The following SAMD5 variants were observed in gnomAD, a reference collection of about 807,000 sequenced individuals.
The protein encoded by SAMD5 is sterile alpha motif domain-containing protein 5.
Under a neutral mutation model 11.3 loss-of-function variants are expected in SAMD5, and 13 were observed. The observed-to-expected ratio is 1.15, with a 90% CI of 0.75 to 1.83. The LOEUF (loss-of-function observed/expected upper bound fraction) is 1.83. SAMD5 is among the 40% of genes most tolerant of loss of function. The pLI is 0.00. For synonymous variants in SAMD5, 129 were observed against 111.3 expected (o/e 1.16, Z -1.00); for missense variants, 255 against 239.1 (o/e 1.07, Z -0.44).
the SAMD5 span, among the ~76,000 whole-genome samples, chr6:147,759,326 C>T: frequency 1.3e-5 from 2 of 152,088 alleles, no homozygotes; most frequent in African/African-American, 2.4e-5. Context: ...CTTTCTCAGG[C>T]GTCTTTAAAT....
intron 1 of SAMD5, among the ~76,000 whole-genome samples, chr6:147,514,278 G>A (rs1788132148): frequency 6.6e-6 from 1 of 151,922 alleles, no homozygotes; most frequent in South Asian, 2.1e-4. Context: ...CCGGAGACTG[G>A]GACCTTTAGA....
the SAMD5 span, chr6:147,953,185 T>A: frequency 6.6e-6 from 1 of 152,206 alleles, no homozygotes; most frequent in Admixed American, 6.5e-5. Context: ...GTGTGGCATA[T>A]TTTGAAAAAT....
At chr6:147,519,866 G>A (rs1194767716) in intron 1 of SAMD5, among the ~76,000 whole-genome samples, 2 of 152,162 alleles carry the variant, frequency 1.3e-5, no homozygotes, top group Non-Finnish European at 2.9e-5. Flanking sequence ...AAGGTGAAGT[G>A]TTTAACACTG....
chr6:147,718,549 T>C (rs1791499870), intron 1 of SAMD5, among the ~76,000 whole-genome samples: 1 of 152,176 alleles, frequency 6.6e-6, no homozygotes, highest in South Asian at 2.1e-4. Flanking sequence ...AGAAAAAGAA[T>C]AGAGCTCTAT....
At chr6:147,944,515 C>A in the SAMD5 span, among the ~76,000 whole-genome samples, 61 of 152,296 alleles carry the variant, frequency 4.0e-4, 3 homozygotes, top group South Asian at 0.012. Flanking sequence ...GTTTCCTCCC[C>A]TAACACATGG....
the SAMD5 span, among the ~76,000 whole-genome samples, chr6:147,861,157 C>T: frequency 6.6e-6 from 1 of 150,438 alleles, no homozygotes; most frequent in Non-Finnish European, 1.5e-5. Context: ...TTCTGCAGCT[C>T]ACTGTGATTA....
rs536866353 is a variant in SAMD5 at position 147,584,790 on chromosome 6, A to T, written c.162+75403A>T. Among the ~76,000 whole-genome samples the T allele has an allele frequency of 4.7e-4, 72 of 152,364 alleles. 1 individual carries two copies. The highest frequency in any genetic ancestry group is 3.4e-3 in the Middle Eastern group (1 of 294). On this transcript the variant is annotated intron_variant, in intron 1 of 1. Coordinates refer to the SAMD5 transcript ENST00000566741. Reference sequence around the variant, plus strand: ...CAGACCACTAATTAGATTAGCTCTGAAAGTTAGCAAAATATAACATGTGTG... The same window carrying T: ...CAGACCACTAATTAGATTAGCTCTGTAAGTTAGCAAAATATAACATGTGTG...
the SAMD5 span, among the ~76,000 whole-genome samples, chr6:147,883,422 G>C: frequency 6.6e-6 from 1 of 152,090 alleles, no homozygotes; most frequent in Non-Finnish European, 1.5e-5. Context: ...CTTCATCCTT[G>C]GAACAAAGCA....
At chr6:147,653,031 C>A (rs1320472004) in intron 1 of SAMD5, among the ~76,000 whole-genome samples, 1 of 152,068 alleles carries the variant, frequency 6.6e-6, no homozygotes, top group South Asian at 2.1e-4. Context: ...ACATACTCTA[C>A]CATATTCCTT....
chr6:147,565,325 G>A lies in SAMD5; in HGVS notation c.*869G>A. On this transcript the variant is annotated 3_prime_UTR_variant, in exon 2 of 2. Coordinates refer to ENST00000367474, the MANE Select transcript of SAMD5 (RefSeq NM_001030060.3). ...CAGGCCTGTGGGGGCCGGGAGGTGG[G>A]CAGCGGCAGTGGCCTGAGGAGCCCT... is the stretch of plus-strand genomic sequence containing the variant. 1.3e-5 allele frequency: 13 copies of A among 985,948 alleles called. No individual in the cohort carries two copies. The highest frequency in any genetic ancestry group is 1.6e-5 in the Non-Finnish European group (13 of 829,974). 61.1% of individuals were successfully genotyped at this position (985,948 alleles called of 1,614,324 possible).
the SAMD5 span, among the ~76,000 whole-genome samples, chr6:147,751,183 T>G: frequency 2.6e-5 from 4 of 152,152 alleles, no homozygotes; most frequent in African/African-American, 4.8e-5. Context: ...TTCAGGTTTT[T>G]TCTTAAATGT....
chr6:147,934,326 G>A, the SAMD5 span, among the ~76,000 whole-genome samples: 1 of 152,114 alleles, frequency 6.6e-6, no homozygotes, highest in African/African-American at 2.4e-5. Flanking sequence ...GTATGCTTCT[G>A]GCAACAGAAA....
chr6:147,582,338 A>G (rs1789311695), intron 1 of SAMD5, among the ~76,000 whole-genome samples: 1 of 67,454 alleles, frequency 1.5e-5, no homozygotes, highest in African/African-American at 4.8e-5. Context: ...CCCCCACCAA[A>G]AAAAAAAAAG....
downstream of SAMD5, chr6:147,741,935 C>T (rs1369231733): frequency 1.3e-5 from 2 of 152,086 alleles, no homozygotes; most frequent in Non-Finnish European, 2.9e-5. Flanking sequence ...AAAACTAGGT[C>T]CCACCCACGT....
chr6:147,799,082 G>T, the SAMD5 span, among the ~76,000 whole-genome samples: 1 of 151,728 alleles, frequency 6.6e-6, no homozygotes, highest in African/African-American at 2.4e-5. Flanking sequence ...AAAGTTAATA[G>T]TGTTATGTGT....
the SAMD5 span, among the ~76,000 whole-genome samples, chr6:147,941,713 T>G: frequency 6.6e-6 from 1 of 152,286 alleles, no homozygotes; most frequent in Admixed American, 6.5e-5. Flanking sequence ...ACAGAGCAAC[T>G]CAATGAGAAT....
the SAMD5 span, among the ~76,000 whole-genome samples, chr6:147,888,582 GC>G: frequency 3.5e-4 from 29 of 82,522 alleles, no homozygotes; most frequent in Admixed American, 1.0e-3. Flanking sequence ...TTCTCTGGCT[GC>G]TTTTTAAGAT....
intron 1 of SAMD5, among the ~76,000 whole-genome samples, chr6:147,582,972 G>T (rs1261616790): frequency 6.6e-6 from 1 of 152,236 alleles, no homozygotes; most frequent in African/African-American, 2.4e-5. Context: ...CAGGCACATG[G>T]AGTGTGTTGG....
At position 147,564,452 on chromosome 6, in the gene SAMD5, G is replaced by A. The variant is rs140643252; in HGVS notation, c.518G>A (p.Arg173His). The change falls in exon 2 of 2, where the codon CGC becomes CAC. Residue 173 changes from arginine (R) to histidine (H), a missense_variant. By Grantham distance (29) the Arg-to-His change is conservative. Coordinates refer to ENST00000367474, the MANE Select transcript of SAMD5 (RefSeq NM_001030060.3). Reference sequence around the variant, plus strand: ...AATTGGCCGAAGTCATCACAGAGCCGCTAGATATCATTTTTGAGACCTCGT... The same window carrying A: ...AATTGGCCGAAGTCATCACAGAGCCACTAGATATCATTTTTGAGACCTCGT... ...LMNWPKSSQS[R>H] The A allele has an allele frequency of 5.9e-4, 462 of 782,602 alleles. 1 individual carries two copies. The highest frequency in any genetic ancestry group is 8.6e-4 in the Non-Finnish European group (359 of 419,688). 48.5% of individuals were successfully genotyped at this position (782,602 alleles called of 1,614,324 possible).
Sources: allele counts gnomAD v4.1 joint callset (sites outside exome capture counted in the v4.1 genomes callset), GRCh38; gene constraint gnomAD v4.1.1; transcripts MANE v1.5; gene names NCBI Gene and HGNC (gene_info 2026-07-23, HGNC 2026-07-21).